Variants in ITGAE observed in about 807,000 individuals in gnomAD.
The protein encoded by ITGAE is integrin alpha-E.
Under a neutral mutation model 136.5 loss-of-function variants are expected in ITGAE, and 99 were observed. The ratio of observed to expected loss-of-function variants is 0.73; its 90% CI spans 0.62 to 0.86. ITGAE has a LOEUF of 0.86. ITGAE is among the 40% of genes least tolerant of loss of function. ITGAE has a pLI of 0.00. For synonymous variants in ITGAE, 613 were observed against 591.8 expected (o/e 1.04, Z -0.52); for missense variants, 1,447 against 1,515.3 (o/e 0.95, Z 0.75).
chr17:3,797,791 C>T (rs1244453598), intron 1 of ITGAE, among the ~76,000 whole-genome samples: 1 of 152,176 alleles, frequency 6.6e-6, no homozygotes, highest in Non-Finnish European at 1.5e-5. Context: ...TGAGTGTGTC[C>T]TCCTCCCCAC....
At chr17:3,726,663 T>C (rs2051220812) in intron 26 of ITGAE, 1 of 226,296 alleles carries the variant, frequency 4.4e-6, no homozygotes, top group Admixed American at 5.2e-5. Context: ...CCCCTGTCTC[T>C]ATTTTTTTAA....
intron 26 of ITGAE, chr17:3,724,518 C>G (rs150914370): frequency 2.5e-6 from 4 of 1,613,954 alleles, no homozygotes; most frequent in Non-Finnish European, 3.4e-6. Flanking sequence ...CTCCGCCTGT[C>G]TGGTTGCAGC....
intron 29 of ITGAE, among the ~76,000 whole-genome samples, chr17:3,719,450 T>G (rs1023144197): frequency 1.3e-5 from 2 of 152,040 alleles, no homozygotes; most frequent in African/African-American, 4.8e-5. Flanking sequence ...AGCTCACAGA[T>G]AGATCACCTC....
intron 21 of ITGAE, among the ~76,000 whole-genome samples, chr17:3,734,103 C>G (rs2051406617): frequency 6.6e-6 from 1 of 152,216 alleles, no homozygotes; most frequent in Non-Finnish European, 1.5e-5. Flanking sequence ...CAGACTCTTG[C>G]TCTGTGGCCC....
intron 26 of ITGAE, chr17:3,723,989 T>A (rs753130763): frequency 5.0e-6 from 8 of 1,593,820 alleles, no homozygotes; most frequent in Non-Finnish European, 6.8e-6. Context: ...CATATGGGGC[T>A]GCGGACGGCA....
At chr17:3,750,741 C>A (rs886380455) in intron 15 of ITGAE, among the ~76,000 whole-genome samples, 1 of 151,424 alleles carries the variant, frequency 6.6e-6, no homozygotes, top group Non-Finnish European at 1.5e-5. Context: ...TTCTGAGAAG[C>A]AGCCAGGGCC....
chr17:3,732,600 T>G, intron 21 of ITGAE, 134 bp from the exon 22 acceptor site: 1 of 706,766 alleles, frequency 1.4e-6, no homozygotes, highest in South Asian at 1.7e-5. Context: ...GCTAAAGAAA[T>G]AAAGTCCACT....
intron 2 of ITGAE, among the ~76,000 whole-genome samples, chr17:3,769,184 T>C (rs1055105475): frequency 2.8e-4 from 42 of 152,096 alleles, no homozygotes; most frequent in African/African-American, 9.4e-4. Flanking sequence ...GTCTCTCTCC[T>C]CCTCAGTCCT....
In ITGAE at chr17:3,755,158, G is replaced by A. The variant is rs1337586987; in HGVS notation, c.1343C>T (p.Ala448Val). The A allele has an allele frequency of 6.4e-7, 1 of 1,573,100 alleles. No homozygotes were observed. Among genetic ancestry groups the A allele is most frequent in the Non-Finnish European group, 8.6e-7 (1 of 1,163,272 alleles). Residue 448 changes from alanine (A) to valine (V), a missense_variant, in exon 12 of 31, where the codon GCG becomes GTG. This residue lies in a region of ITGAE where 1,031 missense variants were observed against 1,011.4 expected (regional missense o/e 1.02). Transcript: ENST00000263087. ...RRGRFLNQTA[A>V]AAADAEAAQY... ...CGCAGCCTCCGCGTCTGCCGCCGCC[G>A]CCGCTGTCTGGTTCAGGAAGCGGCC...
chr17:3,768,748 T>C (rs1271454388), intron 2 of ITGAE, among the ~76,000 whole-genome samples: 1 of 152,212 alleles, frequency 6.6e-6, no homozygotes, highest in Non-Finnish European at 1.5e-5. Flanking sequence ...TCTCAGAACC[T>C]GCCATCATCT....
chr17:3,725,878 G>C (rs778788646), intron 26 of ITGAE: 2 of 1,612,030 alleles, frequency 1.2e-6, no homozygotes, highest in African/African-American at 1.3e-5. Context: ...TTTGAGCACC[G>C]AGACTTACAC....
chr17:3,759,314 T>C, intron 8 of ITGAE, 88 bp downstream of exon 8: 1 of 1,462,818 alleles, frequency 6.8e-7, no homozygotes, highest in Non-Finnish European at 9.4e-7. Context: ...TCTCTTCTCC[T>C]GCGGTTCTGG....
chr17:3,751,344 G>A (rs1381484874), intron 15 of ITGAE, among the ~76,000 whole-genome samples: 1 of 151,912 alleles, frequency 6.6e-6, no homozygotes, highest in African/African-American at 2.4e-5. Context: ...AGGGACCCGA[G>A]GCAGGTGGGT....
intron 16 of ITGAE, 36 bp downstream of exon 16, chr17:3,750,316 G>T: frequency 6.2e-7 from 1 of 1,611,368 alleles, no homozygotes; most frequent in Non-Finnish European, 8.5e-7. Context: ...GGGTGAGGCT[G>T]GGCCTGGGAC....
chr17:3,796,619 T>C (rs1357855188), intron 1 of ITGAE, among the ~76,000 whole-genome samples: 3 of 151,714 alleles, frequency 2.0e-5, no homozygotes, highest in African/African-American at 7.3e-5. Context: ...CCGTGTTGTC[T>C]GACTTACAGA....
rs936294066 is a variant in ITGAE, at chr17:3,798,135, A to G, written c.34+2976T>C. ...GCTCCCACACGGCCCACACTCCCCC[A>G]GCCAGCTCTCCCCCACACACTGCAT... On this transcript the variant is annotated intron_variant, in intron 1 of 30. Transcript: ENST00000263087. This position sits in a 1 kb window ranked among gnomAD's most constrained non-coding sequence, Gnocchi z 4.3. Among the ~76,000 whole-genome samples, 1 of 152,154 alleles carries G rather than the reference A, an allele frequency of 6.6e-6. No homozygotes were observed. Among genetic ancestry groups the G allele is most frequent in the Non-Finnish European group, 1.5e-5 (1 of 68,018 alleles).
Position 3,729,519 on chromosome 17 carries a change from G to T in ITGAE, c.2871C>A (p.His957Gln), listed in dbSNP as rs117671372. 1 of 1,611,732 alleles carries T rather than the reference G, an allele frequency of 6.2e-7. No individual in the cohort carries two copies. The highest frequency in any genetic ancestry group is 2.2e-5 in the East Asian group (1 of 44,874). The change falls in exon 24 of 31, where the codon CAC becomes CAA. Residue 957 changes from histidine (H) to glutamine (Q), a missense_variant. Transcript: ENST00000263087. ...CGAAGCCATGCCTGAATTGAAGGGTGTGGGTCTCGTTGGCCAAAGACCGTC... is the reference window on the plus strand; with the variant it reads ...CGAAGCCATGCCTGAATTGAAGGGTTTGGGTCTCGTTGGCCAAAGACCGTC... ...NERRSLANET[H>Q]TLQFRHGFVA...
At chr17:3,725,386 T>C (rs1186050737) in intron 26 of ITGAE, 7 of 1,614,226 alleles carry the variant, frequency 4.3e-6, no homozygotes, top group Non-Finnish European at 5.9e-6. Flanking sequence ...ACAGAAAAAC[T>C]GCAACGCTGT....
intron 2 of ITGAE, among the ~76,000 whole-genome samples, chr17:3,764,813 C>T (rs1160398720): frequency 6.6e-6 from 1 of 152,222 alleles, no homozygotes; most frequent in Non-Finnish European, 1.5e-5. Flanking sequence ...CACCCAGGCC[C>T]AGTCCAGGGA....
Sources: allele counts gnomAD v4.1 joint callset (sites outside exome capture counted in the v4.1 genomes callset), GRCh38; gene constraint gnomAD v4.1.1; regional missense constraint gnomAD v4.1.1; non-coding constraint Gnocchi (gnomAD v3.1); transcripts MANE v1.5; gene names NCBI Gene and HGNC (gene_info 2026-07-23, HGNC 2026-07-21).